The following DOCK1 variants were observed in gnomAD, a reference collection of about 807,000 sequenced individuals.
DOCK1 encodes the protein dedicator of cytokinesis 1, also known as dedicator of cytokinesis protein 1.
DOCK1 carries 138 observed loss-of-function variants against 262.7 expected under a neutral mutation model. The observed-to-expected ratio is 0.53, with a 90% CI of 0.46 to 0.61. DOCK1 has a LOEUF of 0.61. DOCK1 is among the 20% of genes least tolerant of loss of function. The pLI is 0.00. For missense variants in DOCK1, 1,908 were observed against 2,370.7 expected, an observed-to-expected ratio of 0.80 and a Z score of 4.05; for synonymous variants, 866 against 867.4, an observed-to-expected ratio of 1.00 and a Z score of 0.03.
At chr10:127,414,667 A>G (rs572411077) in intron 43 of DOCK1, among the ~76,000 whole-genome samples, 1 of 152,208 alleles carries the variant, frequency 6.6e-6, no homozygotes, top group Non-Finnish European at 1.5e-5. Flanking sequence ...GTTACGTCAA[A>G]ACATTTTAAA....
intron 31 of DOCK1, among the ~76,000 whole-genome samples, chr10:127,353,717 T>G (rs1018491860): frequency 6.6e-6 from 1 of 152,234 alleles, no homozygotes; most frequent in African/African-American, 2.4e-5. Flanking sequence ...CAGGTGAGAT[T>G]GATCTTCTGT....
At chr10:127,116,590 G>A (rs764010800) in intron 25 of DOCK1, among the ~76,000 whole-genome samples, 17 of 152,132 alleles carry the variant, frequency 1.1e-4, no homozygotes, top group African/African-American at 2.2e-4. Flanking sequence ...GAAAAGTTGC[G>A]TGTTTAAAAC....
intron 27 of DOCK1, chr10:127,153,968 T>C: frequency 2.8e-6 from 4 of 1,430,806 alleles, no homozygotes; most frequent in Non-Finnish European, 3.9e-6. Context: ...TGGCTGGGGG[T>C]CACTGGCTTT....
intron 42 of DOCK1, among the ~76,000 whole-genome samples, chr10:127,410,456 G>A (rs997235834): frequency 1.3e-5 from 2 of 152,208 alleles, no homozygotes; most frequent in African/African-American, 2.4e-5. Context: ...TCTTGGGGTG[G>A]TTGCAAAATC....
At chr10:127,372,602 TG>T (rs984519888) in intron 33 of DOCK1, among the ~76,000 whole-genome samples, 2 of 152,230 alleles carry the variant, frequency 1.3e-5, no homozygotes, top group Admixed American at 1.3e-4. Context: ...TTTGAGGTTT[TG>T]GGGCTGGCTA....
chr10:127,439,376 A>T (rs1456997863), intron 49 of DOCK1, 151 bp downstream of exon 49: 3 of 760,758 alleles, frequency 3.9e-6, no homozygotes, highest in Admixed American at 2.9e-5. Context: ...CCCTAACCTC[A>T]AATGTCCCAA....
intron 1 of DOCK1, among the ~76,000 whole-genome samples, chr10:126,938,637 A>G (rs1284419485): frequency 6.6e-6 from 1 of 152,138 alleles, no homozygotes; most frequent in African/African-American, 2.4e-5. Context: ...TTATTCTCAT[A>G]GTTCTGGAGG....
chr10:127,220,635 A>C (rs568609152), intron 27 of DOCK1, among the ~76,000 whole-genome samples: 2 of 152,080 alleles, frequency 1.3e-5, no homozygotes, highest in Non-Finnish European at 2.9e-5. Flanking sequence ...CATTGGACAA[A>C]GGCATGGATG....
chr10:127,168,179 C>T (rs1037698713), intron 27 of DOCK1, among the ~76,000 whole-genome samples: 1 of 152,190 alleles, frequency 6.6e-6, no homozygotes, highest in Non-Finnish European at 1.5e-5. Context: ...CCACCCTATC[C>T]CTCTCCTGAA....
intron 43 of DOCK1, among the ~76,000 whole-genome samples, chr10:127,412,285 A>G (rs1186314692): frequency 6.6e-6 from 1 of 152,124 alleles, no homozygotes; most frequent in African/African-American, 2.4e-5. Context: ...AAAATTCTAC[A>G]TACAAACTGC....
At chr10:126,918,183 A>T (rs960134424) in intron 1 of DOCK1, among the ~76,000 whole-genome samples, 9 of 151,378 alleles carry the variant, frequency 5.9e-5, no homozygotes, top group African/African-American at 2.2e-4. Context: ...ACCAGCGTGC[A>T]GCGGGGACTC....
chr10:126,922,018 C>T (rs2033248788), intron 1 of DOCK1, among the ~76,000 whole-genome samples: 1 of 151,726 alleles, frequency 6.6e-6, no homozygotes, highest in Non-Finnish European at 1.5e-5. Flanking sequence ...TGGAGACCAG[C>T]CTAGACAACA....
intron 38 of DOCK1, among the ~76,000 whole-genome samples, chr10:127,387,539 G>A (rs770954993): frequency 3.3e-5 from 5 of 152,098 alleles, no homozygotes; most frequent in Admixed American, 6.5e-5. Flanking sequence ...CTCCAGCCAC[G>A]GAAACATCCT....
chr10:127,174,001 T>G (rs2054828614), intron 27 of DOCK1, among the ~76,000 whole-genome samples: 1 of 152,224 alleles, frequency 6.6e-6, no homozygotes, highest in South Asian at 2.1e-4. Context: ...TCTCCACTGC[T>G]GGAGCTGGGC....
At chr10:127,166,185 C>T (rs1260857297) in intron 27 of DOCK1, among the ~76,000 whole-genome samples, 1 of 152,132 alleles carries the variant, frequency 6.6e-6, no homozygotes, top group African/African-American at 2.4e-5. Context: ...CCTGCCTCAG[C>T]CCCCCAAGTA....
At chr10:127,163,012 C>G (rs1015371966) in intron 27 of DOCK1, among the ~76,000 whole-genome samples, 2 of 152,208 alleles carry the variant, frequency 1.3e-5, no homozygotes, top group Non-Finnish European at 1.5e-5. Context: ...AACCTGCATC[C>G]TTGGTCCGGG....
intron 27 of DOCK1, among the ~76,000 whole-genome samples, chr10:127,243,569 A>G (rs772498466): frequency 9.2e-5 from 14 of 151,798 alleles, no homozygotes; most frequent in South Asian, 2.1e-4. Flanking sequence ...CATTTTTCCT[A>G]TCAACCTACC....
At chr10:127,079,850 G>T (rs897436524) in intron 23 of DOCK1, among the ~76,000 whole-genome samples, 2 of 152,168 alleles carry the variant, frequency 1.3e-5, no homozygotes, top group Non-Finnish European at 1.5e-5. Flanking sequence ...AGAATTGCTT[G>T]AAGCTGGGAA....
intron 43 of DOCK1, among the ~76,000 whole-genome samples, chr10:127,414,885 A>G (rs946238650): frequency 4.6e-5 from 7 of 152,198 alleles, no homozygotes; most frequent in Non-Finnish European, 7.3e-5. Flanking sequence ...CTCACCTAGT[A>G]TACTTTCATT....
Sources: gnomAD v4.1 joint callset for allele counts (sites outside exome capture counted in the v4.1 genomes callset) on GRCh38, gnomAD v4.1.1 for gene constraint, MANE v1.5 for transcripts, NCBI Gene and HGNC (gene_info 2026-07-23, HGNC 2026-07-21) for gene names.